Variants in MAGI2 observed in about 807,000 individuals in gnomAD.
The protein encoded by MAGI2 is membrane-associated guanylate kinase, WW and PDZ domain-containing protein 2.
In MAGI2, 35 loss-of-function variants were observed where a neutral mutation model predicts 133.3. That is an observed-to-expected ratio of 0.26 (90% CI 0.20 to 0.35). The LOEUF (loss-of-function observed/expected upper bound fraction) is 0.35. Among genes scored for constraint, MAGI2 ranks in the 10% least tolerant of loss-of-function variants. The probability of loss-of-function intolerance (pLI) is 1.00; values close to 1 mark genes in which losing one functional copy is unlikely to be tolerated. For synonymous variants in MAGI2, 729 were observed against 710.6 expected (o/e 1.03, Z -0.41); for missense variants, 1,636 against 1,863.4 (o/e 0.88, Z 2.25).
intron 2 of MAGI2, among the ~76,000 whole-genome samples, chr7:78,856,740 T>C (rs894245482): frequency 5.1e-4 from 77 of 152,328 alleles, no homozygotes; most frequent in Non-Finnish European, 6.2e-4. Flanking sequence ...TGTGGGCTCT[T>C]TTTTGGTTCC....
chr7:79,212,848 G>T (rs1829617971), intron 1 of MAGI2, among the ~76,000 whole-genome samples: 1 of 152,002 alleles, frequency 6.6e-6, no homozygotes, highest in South Asian at 2.1e-4. Flanking sequence ...CCTGGCTTTG[G>T]TGAATTGCTG....
chr7:78,419,132 T>C (rs775805100), intron 6 of MAGI2, among the ~76,000 whole-genome samples: 12 of 152,108 alleles, frequency 7.9e-5, no homozygotes, highest in Middle Eastern at 3.2e-3. Context: ...TTTTAAAAAA[T>C]CCAAGTTCTA....
At chr7:78,544,614 T>C (rs1446568607) in intron 3 of MAGI2, among the ~76,000 whole-genome samples, 3 of 152,202 alleles carry the variant, frequency 2.0e-5, no homozygotes, top group Non-Finnish European at 4.4e-5. Context: ...TGCAGTCCAG[T>C]AGCATCAGCC....
rs10271266 is a variant in MAGI2 at position 79,146,904 on chromosome 7, G to A, written c.302-139698C>T. Among the ~76,000 whole-genome samples the A allele has an allele frequency of 3.9e-3, 595 of 152,266 alleles. 1 individual carries two copies. Among genetic ancestry groups the A allele is most frequent in the African/African-American group, 0.014 (563 of 41,560 alleles). On this transcript the variant is annotated intron_variant, in intron 1 of 21. Coordinates refer to ENST00000354212, the MANE Select transcript of MAGI2 (RefSeq NM_012301.4). ...CTGCCCTGATGGAGTAAGATATTTC[G>A]TCTTTCTGTCCTAATAGACTGTGCT...
chr7:78,136,178 C>T (rs1366136400), intron 16 of MAGI2, among the ~76,000 whole-genome samples: 6 of 151,024 alleles, frequency 4.0e-5, no homozygotes, highest in Non-Finnish European at 7.4e-5. Context: ...TGCAGTGGCG[C>T]GATCCTGGCT....
At position 78,989,642 on chromosome 7, in the gene MAGI2, G is replaced by A. The variant is rs1047233064; in HGVS notation, c.418+17448C>T. Among the ~76,000 whole-genome samples, 3 of 152,102 alleles carry A rather than the reference G, an allele frequency of 2.0e-5. No individual in the cohort carries two copies. The East Asian group carries it at 5.8e-4, about 30-fold the overall frequency. ...AGTGCTCCTCCCCCTGTATCCGAGA[G>A]TTCATACCTATATAATTCCAACCTG... On this transcript the variant is annotated intron_variant, in intron 2 of 21. Transcript: ENST00000354212.
rs183826446 is a variant in MAGI2, at chr7:78,523,335, A to C, written c.539-1690T>G. Among the ~76,000 whole-genome samples the C allele has an allele frequency of 4.5e-3, 678 of 152,008 alleles. 8 individuals are homozygous for C. Among genetic ancestry groups the C allele is most frequent in the African/African-American group, 0.016 (648 of 41,444 alleles). On this transcript the variant is annotated intron_variant, in intron 3 of 21. Transcript: ENST00000354212. The stretch of plus-strand genomic sequence containing the variant: ...TATAAATATATAAGATGGCTAGTTG[A>C]GAGATAATTGCCCGACGCCCGTAGT...
chr7:78,524,137 G>A (rs1347645178), intron 3 of MAGI2, among the ~76,000 whole-genome samples: 1 of 152,156 alleles, frequency 6.6e-6, no homozygotes, highest in Non-Finnish European at 1.5e-5. Context: ...AAGCAGAAGA[G>A]ATGTGCACTC....
intron 2 of MAGI2, among the ~76,000 whole-genome samples, chr7:78,892,546 A>G (rs1796853673): frequency 1.3e-5 from 2 of 152,212 alleles, no homozygotes. Flanking sequence ...AGATCAATGG[A>G]ACAGAACAGA....
rs1822101010 is a variant in MAGI2 at position 79,141,250 on chromosome 7, A to G, written c.302-134044T>C. Reference sequence around the variant, plus strand: ...TCTTCATCAGGTGCAACATTTACCAAATGATTTCTTTGTTCCAGATGATGT... The same window carrying G: ...TCTTCATCAGGTGCAACATTTACCAGATGATTTCTTTGTTCCAGATGATGT... On this transcript the variant is annotated intron_variant, in intron 1 of 21. Transcript: ENST00000354212. Among the ~76,000 whole-genome samples, 4 of 152,162 alleles carry G rather than the reference A, an allele frequency of 2.6e-5. No homozygotes were observed. The South Asian group carries it at 8.3e-4, about 32-fold the overall frequency.
At chr7:79,340,872 T>G (rs1034573635) in intron 1 of MAGI2, among the ~76,000 whole-genome samples, 4 of 152,084 alleles carry the variant, frequency 2.6e-5, no homozygotes, top group Admixed American at 1.3e-4. Flanking sequence ...TACCTGAGGT[T>G]TCAGGAAAGG....
chr7:78,408,682 G>T, intron 6 of MAGI2, among the ~76,000 whole-genome samples: 1 of 152,116 alleles, frequency 6.6e-6, no homozygotes, highest in South Asian at 2.1e-4. Context: ...TTTAAATTGC[G>T]ATGTGCTGAA....
chr7:78,289,571 C>T (rs576114255), intron 9 of MAGI2, among the ~76,000 whole-genome samples: 80 of 152,162 alleles, frequency 5.3e-4, no homozygotes, highest in African/African-American at 1.7e-3. Context: ...GCAAGGGAGC[C>T]AACATTCAAA....
At chr7:79,317,357 C>A (rs2129561276) in intron 1 of MAGI2, among the ~76,000 whole-genome samples, 1 of 152,138 alleles carries the variant, frequency 6.6e-6, no homozygotes, top group South Asian at 2.1e-4. Flanking sequence ...TCTGATTTCC[C>A]CTCATATGTT....
At chr7:79,087,034 C>T (rs1816571991) in intron 1 of MAGI2, among the ~76,000 whole-genome samples, 2 of 151,666 alleles carry the variant, frequency 1.3e-5, no homozygotes, top group Non-Finnish European at 1.5e-5. Context: ...ATATACTCTA[C>T]CATTTCCCTC....
intron 2 of MAGI2, among the ~76,000 whole-genome samples, chr7:78,957,183 T>C (rs894958668): frequency 6.9e-6 from 1 of 145,864 alleles, no homozygotes; most frequent in African/African-American, 2.6e-5. Flanking sequence ...AAGAATTGCT[T>C]GAACCCGGGA....
At chr7:78,203,261 A>T (rs1038129115) in intron 10 of MAGI2, among the ~76,000 whole-genome samples, 1 of 152,200 alleles carries the variant, frequency 6.6e-6, no homozygotes, top group African/African-American at 2.4e-5. Flanking sequence ...GGATTCTTAG[A>T]CTTTGATACA....
At chr7:78,075,552 AT>A (rs530605395) in intron 21 of MAGI2, among the ~76,000 whole-genome samples, 2,722 of 151,776 alleles carry the variant, frequency 0.018, 25 homozygotes, top group Non-Finnish European at 0.027. Context: ...AATTTTTTGT[AT>A]TTTTAGTAGA....
Position 78,411,922 on chromosome 7 carries a change from C to A in MAGI2, c.1046-42709G>T, listed in dbSNP as rs113079393. Among the ~76,000 whole-genome samples, 363 of 152,126 alleles carry A rather than the reference C, an allele frequency of 2.4e-3. 3 individuals are homozygous for A. The highest frequency in any genetic ancestry group is 8.0e-3 in the African/African-American group (334 of 41,536). ...ACATTATAATGATTTTACTGGGCTG[C>A]AAATCAACATTACATTTTTTAAATG... On this transcript the variant is annotated intron_variant, in intron 6 of 21. Coordinates refer to ENST00000354212, the MANE Select transcript of MAGI2 (RefSeq NM_012301.4).
Sources: gnomAD v4.1 joint callset for allele counts (sites outside exome capture counted in the v4.1 genomes callset) on GRCh38, gnomAD v4.1.1 for gene constraint, MANE v1.5 for transcripts, NCBI Gene and HGNC (gene_info 2026-07-23, HGNC 2026-07-21) for gene names.